CNTNAP3B: variants seen among roughly 807,000 people sequenced by gnomAD.
The protein encoded by CNTNAP3B is contactin associated protein family member 3B, also known as contactin-associated protein-like 3B.
Under a neutral mutation model 108.9 loss-of-function variants are expected in CNTNAP3B, and 25 were observed. The observed-to-expected ratio is 0.23, with a 90% CI of 0.17 to 0.32. CNTNAP3B has a LOEUF of 0.32. CNTNAP3B is among the 10% of genes least tolerant of loss of function. The probability of loss-of-function intolerance (pLI) is 1.00; values close to 1 mark genes in which losing one functional copy is unlikely to be tolerated. For missense variants in CNTNAP3B, 252 were observed against 1,210.4 expected (o/e 0.21, Z 11.75); for synonymous variants, 103 against 473.4 (o/e 0.22, Z 10.16).
intron 14 of CNTNAP3B, among the ~76,000 whole-genome samples, chr9:41,934,124 C>CATATATAT (rs1226684775): frequency 1.9e-5 from 2 of 105,650 alleles, no homozygotes; most frequent in East Asian, 4.8e-4. Flanking sequence ...TATATATATA[C>CATATATAT]ACACACATAT....
chr9:42,068,023 C>A lies in CNTNAP3B; in HGVS notation c.390+8846G>T, dbSNP rs1456592631. 3.6e-5 allele frequency among the ~76,000 whole-genome samples: 5 copies of A among 139,678 alleles called. 2 individuals are homozygous for A. The highest frequency in any genetic ancestry group is 1.4e-4 in the African/African-American group (5 of 35,264). The allele number at this position is 139,678 out of a possible 152,430, so 91.6% of individuals were successfully genotyped here. A position where few individuals can be genotyped will look rare whatever the true frequency, so the allele number is the denominator to read the frequency against. On this transcript the variant is annotated intron_variant, in intron 3 of 23. Transcript: ENST00000377561. ...GTTTCAGTGTAGAAAAACACCCCTG[C>A]TCATCAGTATCTGGGATAGCAGTAA...
intron 3 of CNTNAP3B, among the ~76,000 whole-genome samples, chr9:42,055,511 G>T (rs1382008150): frequency 1.4e-5 from 2 of 142,858 alleles, no homozygotes; most frequent in South Asian, 2.2e-4. Flanking sequence ...TAAAATGTTA[G>T]TTAATCTCTT....
chr9:41,893,778 C>T lies in CNTNAP3B; in HGVS notation c.*211G>A. 1 of 19,008 alleles carries T rather than the reference C, an allele frequency of 5.3e-5. No homozygotes were observed. Among genetic ancestry groups the T allele is most frequent in the Non-Finnish European group, 9.9e-5 (1 of 10,150 alleles). 1.2% of individuals were successfully genotyped at this position (19,008 alleles called of 1,614,324 possible). On this transcript the variant is annotated 3_prime_UTR_variant, in exon 24 of 24. Transcript: ENST00000377561. ...AATTGATGTGGAGGACTGTGTTTCACCGAGGGAGAAAGGGACCTCCCAGAG... is the reference window on the plus strand; with the variant it reads ...AATTGATGTGGAGGACTGTGTTTCATCGAGGGAGAAAGGGACCTCCCAGAG...
At chr9:42,041,357 C>A (rs1826748397) in intron 3 of CNTNAP3B, among the ~76,000 whole-genome samples, 1 of 151,004 alleles carries the variant, frequency 6.6e-6, no homozygotes, top group African/African-American at 2.5e-5. Flanking sequence ...GGGCTAATAT[C>A]CAGAATCTAC....
intron 12 of CNTNAP3B, 40 bp from the exon 13 acceptor site, chr9:41,953,426 C>A: frequency 6.6e-7 from 1 of 1,516,026 alleles, no homozygotes; most frequent in South Asian, 1.2e-5. Flanking sequence ...CACTGGGCGG[C>A]AGACGCCAGC....
chr9:41,934,901 T>C (rs1182922649), intron 14 of CNTNAP3B, among the ~76,000 whole-genome samples: 1 of 152,306 alleles, frequency 6.6e-6, no homozygotes, highest in Non-Finnish European at 1.5e-5. Context: ...TGTGGTTACT[T>C]TTAAAGACTC....
intron 4 of CNTNAP3B, among the ~76,000 whole-genome samples, chr9:42,012,068 C>T (rs1374281503): frequency 1.0e-5 from 1 of 98,938 alleles, no homozygotes; most frequent in Non-Finnish European, 2.2e-5. Context: ...CTGGTACCAA[C>T]CTCCAGCCCA....
chr9:41,944,973 C>T (rs1357270896), intron 13 of CNTNAP3B, among the ~76,000 whole-genome samples: 1 of 151,050 alleles, frequency 6.6e-6, no homozygotes, highest in Non-Finnish European at 1.5e-5. Flanking sequence ...ACAGACACTT[C>T]TCAAAAGAAG....
At chr9:42,111,770 G>A (rs28703836) in intron 1 of CNTNAP3B, among the ~76,000 whole-genome samples, 60,324 of 136,478 alleles carry the variant, frequency 0.44, 17,972 homozygotes, top group East Asian at 0.7. Flanking sequence ...TACTTTTTGT[G>A]TGTATATGGC....
chr9:41,925,540 C>A lies in CNTNAP3B; in HGVS notation c.2366-1447G>T, dbSNP rs542623171. Among the ~76,000 whole-genome samples the A allele has an allele frequency of 2.0e-5, 3 of 152,396 alleles. No homozygotes were observed. The South Asian group carries it at 6.2e-4, about 32-fold the overall frequency. On this transcript the variant is annotated intron_variant, in intron 15 of 23. Coordinates refer to ENST00000377561, the MANE Select transcript of CNTNAP3B (RefSeq NM_001201380.3). Reference sequence around the variant, plus strand: ...CCCGGGAGGCGGAGCTTGCAGTGAGCCGAGATCCTGCCACTGCACTCCAGC... The same window carrying A: ...CCCGGGAGGCGGAGCTTGCAGTGAGACGAGATCCTGCCACTGCACTCCAGC...
rs1256076589 is a variant in CNTNAP3B at position 42,015,117 on chromosome 9, C to T, written c.391-1592G>A. On this transcript the variant is annotated intron_variant, in intron 3 of 23. Transcript: ENST00000377561. ...CGATCTAGACTCACTGCAACCTCTG[C>T]CTCCCAGATTTAAGCAATTCTCCTG... 7.5e-3 allele frequency among the ~76,000 whole-genome samples: 56 copies of T among 7,452 alleles called. 2 individuals carry two copies. The highest frequency in any genetic ancestry group is 0.02 in the Middle Eastern group (1 of 50). The allele number at this position is 7,452 out of a possible 152,430, so 4.9% of individuals were successfully genotyped here.
intron 3 of CNTNAP3B, among the ~76,000 whole-genome samples, chr9:42,026,554 G>C (rs1441089131): frequency 1.1e-5 from 1 of 93,658 alleles, no homozygotes; most frequent in Admixed American, 1.1e-4. Flanking sequence ...TCCACGGCAC[G>C]GCACTCCAGC....
intron 15 of CNTNAP3B, among the ~76,000 whole-genome samples, chr9:41,927,541 G>T (rs1164280340): frequency 6.6e-6 from 1 of 150,660 alleles, no homozygotes; most frequent in Non-Finnish European, 1.5e-5. Context: ...GAGAGAAAGA[G>T]GGAGGGAGGG....
At chr9:42,125,649 G>A (rs1828551638) in intron 1 of CNTNAP3B, among the ~76,000 whole-genome samples, 1 of 133,360 alleles carries the variant, frequency 7.5e-6, no homozygotes, top group Non-Finnish European at 1.6e-5. Flanking sequence ...ATAAAGGCAT[G>A]TGAACTACAT....
rs1691582574 is a variant in CNTNAP3B, at chr9:42,121,000, T to A, written c.85+8010A>T. 1.4e-5 allele frequency among the ~76,000 whole-genome samples: 2 copies of A among 138,312 alleles called. 1 individual carries two copies. The highest frequency in any genetic ancestry group is 3.1e-5 in the Non-Finnish European group (2 of 64,588). 90.7% of individuals were successfully genotyped at this position (138,312 alleles called of 152,430 possible). A position where few individuals can be genotyped will look rare whatever the true frequency, so the allele number is the denominator to read the frequency against. ...AATAAAATAATAAAAAATTAAAAAG[T>A]TCAGTGTTCGAGTTCTCTCTTTGTC... is the stretch of plus-strand genomic sequence containing the variant. On this transcript the variant is annotated intron_variant, in intron 1 of 23. Coordinates refer to ENST00000377561, the MANE Select transcript of CNTNAP3B (RefSeq NM_001201380.3).
chr9:41,975,033 C>G, intron 9 of CNTNAP3B: 1 of 237,878 alleles, frequency 4.2e-6, no homozygotes, highest in Non-Finnish European at 8.0e-6. Flanking sequence ...ATCTCCAAAC[C>G]GTCCTAGCAG....
intron 3 of CNTNAP3B, among the ~76,000 whole-genome samples, chr9:42,029,494 G>T (rs1417142155): frequency 1.7e-5 from 2 of 117,644 alleles, no homozygotes; most frequent in African/African-American, 3.6e-5. Context: ...CAAAATAAAT[G>T]TATTAATAAA....
At chr9:42,023,902 G>A (rs1466796690) in intron 3 of CNTNAP3B, among the ~76,000 whole-genome samples, 1 of 150,106 alleles carries the variant, frequency 6.7e-6, no homozygotes, top group Non-Finnish European at 1.5e-5. Context: ...GCTGCCATAG[G>A]TAAATGTAAG....
At chr9:41,941,023 T>C (rs1484177791) in intron 13 of CNTNAP3B, among the ~76,000 whole-genome samples, 8,489 of 129,440 alleles carry the variant, frequency 0.066, 88 homozygotes, top group Middle Eastern at 0.11. Context: ...TGAAATGATA[T>C]ATGATAATTG....
Sources: allele counts gnomAD v4.1 joint callset (sites outside exome capture counted in the v4.1 genomes callset), GRCh38; gene constraint gnomAD v4.1.1; transcripts MANE v1.5; gene names NCBI Gene and HGNC (gene_info 2026-07-23, HGNC 2026-07-21).